Variants in SLC24A2 observed in about 807,000 individuals in gnomAD.
SLC24A2 encodes the protein solute carrier family 24 member 2, also known as sodium/potassium/calcium exchanger 2.
SLC24A2 carries 36 observed loss-of-function variants against 62.0 expected under a neutral mutation model. The observed-to-expected ratio is 0.58, with a 90% CI of 0.44 to 0.77. The LOEUF (loss-of-function observed/expected upper bound fraction) is 0.77. Ranked by LOEUF, SLC24A2 falls within the 30% of genes least tolerant of loss-of-function variation. The pLI is 0.00. For synonymous variants in SLC24A2, 358 were observed against 294.0 expected, an observed-to-expected ratio of 1.22 and a Z score of -2.23; for missense variants, 846 against 817.9, an observed-to-expected ratio of 1.03 and a Z score of -0.42.
the SLC24A2 span, among the ~76,000 whole-genome samples, chr9:19,971,624 G>A: frequency 6.6e-6 from 1 of 152,150 alleles, no homozygotes; most frequent in Non-Finnish European, 1.5e-5. Context: ...TGATATGGCA[G>A]GGTCTCTCCT....
the SLC24A2 span, among the ~76,000 whole-genome samples, chr9:19,892,595 G>A: frequency 6.6e-6 from 1 of 152,112 alleles, no homozygotes; most frequent in Non-Finnish European, 1.5e-5. Context: ...TGTTAAGAGT[G>A]ACCTAAGGAC....
chr9:19,930,216 TTCCAG>T, the SLC24A2 span, among the ~76,000 whole-genome samples: 1 of 152,188 alleles, frequency 6.6e-6, no homozygotes, highest in Non-Finnish European at 1.5e-5. Context: ...CCAGAGCAAC[TTCCAG>T]TCCTGCAAGC....
the SLC24A2 span, among the ~76,000 whole-genome samples, chr9:19,990,239 C>T: frequency 2.0e-5 from 3 of 152,036 alleles, no homozygotes; most frequent in Admixed American, 6.6e-5. Flanking sequence ...AGGGCCTATA[C>T]AAAACTGTAG....
At chr9:19,763,790 C>T (rs1822422445) in intron 2 of SLC24A2, among the ~76,000 whole-genome samples, 2 of 152,190 alleles carry the variant, frequency 1.3e-5, no homozygotes, top group Admixed American at 1.3e-4. Context: ...TGTTGTGTCT[C>T]TGCCAGGTTT....
the SLC24A2 span, among the ~76,000 whole-genome samples, chr9:20,252,091 A>G: frequency 6.6e-6 from 1 of 152,204 alleles, no homozygotes; most frequent in Non-Finnish European, 1.5e-5. Flanking sequence ...GTTGGAACAG[A>G]TGTTGGGAGG....
chr9:20,229,578 T>C, the SLC24A2 span, among the ~76,000 whole-genome samples: 1 of 152,104 alleles, frequency 6.6e-6, no homozygotes, highest in African/African-American at 2.4e-5. Context: ...AAAGTAACAT[T>C]ACTCAGTCCA....
chr9:19,580,270 G>A (rs1014503012), intron 5 of SLC24A2, among the ~76,000 whole-genome samples: 9 of 152,202 alleles, frequency 5.9e-5, no homozygotes, highest in African/African-American at 2.2e-4. Context: ...CGCTGACAAT[G>A]GCTGCGCCAT....
At chr9:20,236,465 TA>T in the SLC24A2 span, among the ~76,000 whole-genome samples, 1 of 152,212 alleles carries the variant, frequency 6.6e-6, no homozygotes, top group South Asian at 2.1e-4. Context: ...ATTCCATTTG[TA>T]TTGGCTAGAA....
chr9:19,788,750 G>C, intron 1 of SLC24A2, 135 bp downstream of exon 1: 2 of 985,404 alleles, frequency 2.0e-6, no homozygotes, highest in Non-Finnish European at 2.4e-6. Context: ...CTCCTAGCGG[G>C]GCCTGGGGCG....
At chr9:19,905,919 G>A in the SLC24A2 span, among the ~76,000 whole-genome samples, 1,722 of 152,194 alleles carry the variant, frequency 0.011, 35 homozygotes, top group African/African-American at 0.04. Context: ...ACAGATCAAC[G>A]AGACAGAAAG....
At chr9:19,910,659 C>T in the SLC24A2 span, among the ~76,000 whole-genome samples, 18 of 152,190 alleles carry the variant, frequency 1.2e-4, no homozygotes, top group African/African-American at 3.9e-4. Context: ...CCTGGAACAA[C>T]TTTTCTCAGG....
chr9:19,815,737 A>T, the SLC24A2 span, among the ~76,000 whole-genome samples: 3 of 152,090 alleles, frequency 2.0e-5, no homozygotes, highest in Non-Finnish European at 4.4e-5. Flanking sequence ...AGTTTTGAAC[A>T]CTTTGTTAAC....
At chr9:19,693,636 G>A (rs1820104198) in intron 2 of SLC24A2, among the ~76,000 whole-genome samples, 1 of 152,102 alleles carries the variant, frequency 6.6e-6, no homozygotes, top group South Asian at 2.1e-4. Flanking sequence ...AAAGGACATC[G>A]ACAAGACTGA....
At chr9:20,003,604 C>T in the SLC24A2 span, among the ~76,000 whole-genome samples, 2 of 151,992 alleles carry the variant, frequency 1.3e-5, no homozygotes, top group East Asian at 3.8e-4. Flanking sequence ...ATTATAGATT[C>T]CACTTGATAG....
chr9:20,042,949 C>T, the SLC24A2 span, among the ~76,000 whole-genome samples: 1 of 152,136 alleles, frequency 6.6e-6, no homozygotes, highest in Admixed American at 6.5e-5. Context: ...ATTTTAATGG[C>T]TCCAATGACT....
intron 7 of SLC24A2, among the ~76,000 whole-genome samples, chr9:19,560,920 G>T (rs201836152): frequency 0.026 from 2,047 of 80,176 alleles, 18 homozygotes; most frequent in African/African-American, 0.056. Flanking sequence ...TATATATAGA[G>T]AGAGAGAGAG....
chr9:20,061,565 G>A, the SLC24A2 span, among the ~76,000 whole-genome samples: 130 of 152,278 alleles, frequency 8.5e-4, no homozygotes, highest in African/African-American at 3.1e-3. Context: ...AGGATTACAG[G>A]CATGACCCAC....
the SLC24A2 span, among the ~76,000 whole-genome samples, chr9:20,084,042 C>T: frequency 6.6e-6 from 1 of 152,196 alleles, no homozygotes; most frequent in Non-Finnish European, 1.5e-5. Flanking sequence ...TGCTTGCTTG[C>T]CTCCAAAAAT....
At chr9:19,615,791 C>T (rs779182294) in intron 4 of SLC24A2, among the ~76,000 whole-genome samples, 12 of 152,110 alleles carry the variant, frequency 7.9e-5, no homozygotes, top group Non-Finnish European at 8.8e-5. Context: ...AAGGGCCAGG[C>T]GTTTTGGAAA....
Sources: gnomAD v4.1 joint callset for allele counts (sites outside exome capture counted in the v4.1 genomes callset) on GRCh38, gnomAD v4.1.1 for gene constraint, MANE v1.5 for transcripts, NCBI Gene and HGNC (gene_info 2026-07-23, HGNC 2026-07-21) for gene names.